USP16: variants seen among roughly 807,000 people sequenced by gnomAD.
USP16 encodes ubiquitin specific peptidase 16.
In USP16, 77 loss-of-function variants were observed where a neutral mutation model predicts 95.9. The ratio of observed to expected loss-of-function variants is 0.80; its 90% CI spans 0.67 to 0.97. USP16 has a LOEUF of 0.97. Among genes scored for constraint, USP16 ranks in the 50% least tolerant of loss-of-function variants. USP16 has a pLI of 0.00. For missense variants in USP16, 943 were observed against 959.9 expected (o/e 0.98, Z 0.23); for synonymous variants, 303 against 318.2 (o/e 0.95, Z 0.51).
chr21:29,041,950 T>G, intron 10 of USP16, 63 bp from the exon 11 acceptor site: 1 of 1,417,606 alleles, frequency 7.1e-7, no homozygotes. Context: ...TAGTTTTAGC[T>G]TTTCTTGTTT....
chr21:29,050,572 A>G (rs79245948), intron 16 of USP16, among the ~76,000 whole-genome samples: 10 of 152,348 alleles, frequency 6.6e-5, no homozygotes, highest in Non-Finnish European at 1.2e-4. Context: ...TGCCTCAACT[A>G]TATTTAAAGA....
Position 29,053,978 on chromosome 21 carries a change from T to A in USP16, c.2350+20T>A. On this transcript the variant is annotated intron_variant, in intron 17 of 17. Coordinates refer to ENST00000399976, the MANE Select transcript of USP16 (RefSeq NM_006447.3). ...CACAAGGTAAGATGTCTTGGAAAAT[T>A]CAGGCACTCAGCAGATTACGGCAAA... 1 of 1,613,578 alleles carries A rather than the reference T, an allele frequency of 6.2e-7. No individual in the cohort carries two copies.
intron 15 of USP16, among the ~76,000 whole-genome samples, chr21:29,049,539 T>C (rs1023389592): frequency 5.3e-5 from 8 of 152,276 alleles, no homozygotes; most frequent in Admixed American, 2.6e-4. Context: ...AGCAGAAACA[T>C]TGAGAATTTT....
At chr21:29,048,894 C>G in intron 15 of USP16, 39 bp downstream of exon 15, 1 of 1,451,898 alleles carries the variant, frequency 6.9e-7, no homozygotes, top group Non-Finnish European at 9.6e-7. Flanking sequence ...AAATATGTAA[C>G]ACCTACTTTA....
Position 29,043,583 on chromosome 21 carries a change from C to G in USP16, c.1340C>G (p.Ala447Gly), listed in dbSNP as rs1450647523. Reference protein sequence around the residue: ...KHLQKKAKKQAKKQAKNQRRQ... With the variant: ...KHLQKKAKKQGKKQAKNQRRQ... ...TTACAGAAAAAAGCAAAGAAACAAGCCAAAAAGCAAGCCAAGGTGGGTAAT... is the reference window on the plus strand; with the variant it reads ...TTACAGAAAAAAGCAAAGAAACAAGGCAAAAAGCAAGCCAAGGTGGGTAAT... Residue 447 changes from alanine to glycine, a missense_variant, in exon 13 of 18, where the codon GCC (alanine) becomes GGC (glycine). Transcript: ENST00000399976. 3 of 1,543,184 alleles carry G rather than the reference C, an allele frequency of 1.9e-6. No homozygotes were observed. The highest frequency in any genetic ancestry group is 8.7e-7 in the Non-Finnish European group (1 of 1,152,200).
intron 14 of USP16, among the ~76,000 whole-genome samples, chr21:29,048,462 A>C (rs1287222273): frequency 6.6e-6 from 1 of 152,160 alleles, no homozygotes; most frequent in African/African-American, 2.4e-5. Flanking sequence ...TCATTAACCA[A>C]AATATTGTGT....
chr21:29,039,288 G>GT lies in USP16; in HGVS notation c.863+140dup, dbSNP rs551176952. The GT allele has an allele frequency of 3.1e-4, 351 of 1,136,724 alleles. 1 individual carries two copies. Among genetic ancestry groups the GT allele is most frequent in the African/African-American group, 2.2e-3 (139 of 62,862 alleles). 70.4% of individuals were successfully genotyped at this position (1,136,724 alleles called of 1,614,324 possible). On this transcript the variant is annotated intron_variant, in intron 8 of 17. Transcript: ENST00000399976. ...CAACCCTCTATATACAAAAGGCATA[G>GT]TTTTTTTTCATTTGGATTTTAAAAT...
In USP16 at chr21:29,038,388, T is replaced by C; in HGVS notation, c.690T>C (p.Ser230=). The part of the protein sequence containing the change: ...LRELLKEVKM[S]GTIVKIEPPD... ...AACTACTAAAAGAAGTGAAAATGTC[T>C]GGAACAATTGTAAAAATTGAACCAC... is the stretch of plus-strand genomic sequence containing the variant. The change falls in exon 7 of 18, where the codon TCT becomes TCC. Residue 230 remains serine, a synonymous_variant. Transcript: ENST00000399976. 6.2e-7 allele frequency: 1 copy of C among 1,613,224 alleles called. No homozygotes were observed. Among genetic ancestry groups the C allele is most frequent in the South Asian group, 1.1e-5 (1 of 91,012 alleles).
At position 29,037,327 on chromosome 21, in the gene USP16, A is replaced by G. The variant is rs1158363824; in HGVS notation, c.500A>G (p.Glu167Gly). 6.4e-7 allele frequency: 1 copy of G among 1,574,622 alleles called. No individual in the cohort carries two copies. Among genetic ancestry groups the G allele is most frequent in the Non-Finnish European group, 8.6e-7 (1 of 1,159,190 alleles). The change falls in exon 6 of 18, where the codon GAG becomes GGG. Residue 167 changes from glutamate (E) to glycine (G), a missense_variant. Coordinates refer to ENST00000399976, the MANE Select transcript of USP16 (RefSeq NM_006447.3). ...IELENKKLEK[E>G]SKNEQEREKK... is the part of the protein sequence containing the mutation. ...CTTGAAAATAAAAAATTAGAAAAAG[A>G]GAGTAAGAATGAACAAGAGAGAGAA...
At chr21:29,046,529 A>G in intron 13 of USP16, 138 bp from the exon 14 acceptor site, 1 of 946,632 alleles carries the variant, frequency 1.1e-6, no homozygotes, top group Admixed American at 3.1e-5. Flanking sequence ...TTCCTTAGGA[A>G]ATTATTTTTG....
intron 3 of USP16, among the ~76,000 whole-genome samples, chr21:29,033,077 AATAC>A (rs2085101028): frequency 6.6e-6 from 1 of 152,232 alleles, no homozygotes; most frequent in African/African-American, 2.4e-5. Flanking sequence ...TAACCTTTTA[AATAC>A]ATATGGTGAG....
At chr21:29,052,525 A>G (rs1033654834) in intron 16 of USP16, 1 of 152,210 alleles carries the variant, frequency 6.6e-6, no homozygotes, top group African/African-American at 2.4e-5. Context: ...ACCTGCTCCC[A>G]TGATTCAGTT....
intron 15 of USP16, 57 bp from the exon 16 acceptor site, chr21:29,050,035 C>G (rs559577233): frequency 6.5e-7 from 1 of 1,528,550 alleles, no homozygotes; most frequent in African/African-American, 1.4e-5. Context: ...CTTCGGTTTA[C>G]TTAACCTGTA....
At chr21:29,024,870 T>C in intron 1 of USP16, 93 bp downstream of exon 1, 1 of 1,179,548 alleles carries the variant, frequency 8.5e-7, no homozygotes, top group East Asian at 5.9e-5. Context: ...CGTTCTCTTC[T>C]TGAAGGCCGC....
In USP16 at chr21:29,039,076, G is replaced by T; in HGVS notation, c.783G>T (p.Met261Ile). ...CTCCAGGCCCTCTTACTTTAGCCAT[G>T]AGCCAGTTTCTTAATGAGATGCAAG... ...LEPPGPLTLA[M>I]SQFLNEMQET... Residue 261 changes from methionine (M) to isoleucine (I), a missense_variant, in exon 8 of 18, where the codon ATG (methionine) becomes ATT (isoleucine). Transcript: ENST00000399976. 2 of 1,593,066 alleles carry T rather than the reference G, an allele frequency of 1.3e-6. No homozygotes were observed. Among genetic ancestry groups the T allele is most frequent in the Non-Finnish European group, 8.6e-7 (1 of 1,168,234 alleles).
Position 29,053,809 on chromosome 21 carries a change from C to T in USP16, c.2201C>T (p.Ala734Val). The T allele has an allele frequency of 6.2e-7, 1 of 1,609,300 alleles. No homozygotes were observed. The highest frequency in any genetic ancestry group is 1.3e-5 in the African/African-American group (1 of 74,764). ...TTCTACTCATTTTTAAAGAATGTTG[C>T]AGAAGAAAATACAAGGGTACTCTAT... ...PFCTLKCKNVAEENTRVLYSL... is the reference protein window; with the variant it reads ...PFCTLKCKNVVEENTRVLYSL... Residue 734 changes from alanine to valine, a missense_variant, in exon 17 of 18, where the codon GCA becomes GTA. By Grantham distance (64) the Ala-to-Val change is moderately conservative. Transcript: ENST00000399976.
rs2085391831 is a variant in USP16, at chr21:29,050,113, G to A, written c.2128G>A (p.Val710Ile). Reference protein sequence around the residue: ...FQQAGFNLRKVNKHIKFPEIL... With the variant: ...FQQAGFNLRKINKHIKFPEIL... Reference sequence around the variant, plus strand: ...TTAGGCTGGTTTTAACCTACGCAAAGTTAACAAACACATAAAGTTTCCGGA... The same window carrying A: ...TTAGGCTGGTTTTAACCTACGCAAAATTAACAAACACATAAAGTTTCCGGA... Residue 710 changes from valine to isoleucine, a missense_variant, in exon 16 of 18, where the codon GTT becomes ATT. Val to Ile is a conservative substitution (Grantham distance 29, BLOSUM62 3). Coordinates refer to ENST00000399976, the MANE Select transcript of USP16 (RefSeq NM_006447.3). 1 of 1,613,458 alleles carries A rather than the reference G, an allele frequency of 6.2e-7. No homozygotes were observed. The highest frequency in any genetic ancestry group is 8.5e-7 in the Non-Finnish European group (1 of 1,179,818).
chr21:29,024,885 C>A, intron 1 of USP16, 108 bp downstream of exon 1: 1 of 1,112,894 alleles, frequency 9.0e-7, no homozygotes, highest in Non-Finnish European at 1.1e-6. Context: ...GGCCGCTCTC[C>A]TTAAGCACGT....
At chr21:29,045,774 G>C in intron 13 of USP16, among the ~76,000 whole-genome samples, 1 of 152,010 alleles carries the variant, frequency 6.6e-6, no homozygotes, top group East Asian at 1.9e-4. Context: ...TTGATGGTTG[G>C]TGATGGTTTA....
Sources: gnomAD v4.1 joint callset for allele counts (sites outside exome capture counted in the v4.1 genomes callset) on GRCh38, gnomAD v4.1.1 for gene constraint, MANE v1.5 for transcripts, NCBI Gene and HGNC (gene_info 2026-07-23, HGNC 2026-07-21) for gene names.